Variants in PUS1 observed in about 807,000 individuals in gnomAD.
The protein encoded by PUS1 is pseudouridylate synthase 1 homolog.
A neutral mutation model predicts 38.5 loss-of-function variants in PUS1; 25 were observed. The observed-to-expected ratio is 0.65, with a 90% CI of 0.47 to 0.91. PUS1 has a LOEUF of 0.91. Ranked by LOEUF, PUS1 falls within the 40% of genes least tolerant of loss-of-function variation. The probability of loss-of-function intolerance (pLI) is 0.00; values close to 1 mark genes in which losing one functional copy is unlikely to be tolerated. For missense variants in PUS1, 597 were observed against 612.3 expected (o/e 0.97, Z 0.26); for synonymous variants, 282 against 260.4 (o/e 1.08, Z -0.80).
rs910629778 is a variant in PUS1, at chr12:131,932,290, A to G, written c.419A>G (p.Gln140Arg). 1 of 1,613,732 alleles carries G rather than the reference A, an allele frequency of 6.2e-7. No homozygotes were observed. Among genetic ancestry groups the G allele is most frequent in the Non-Finnish European group, 8.5e-7 (1 of 1,180,042 alleles). ...HGEDMRKMSF[Q>R]RCARTDKGVS... ...GAGGACATGAGGAAAATGTCCTTCC[A>G]GCGCTGCGCCCGGACAGACAAGGTG... Residue 140 changes from glutamine to arginine, a missense_variant, in exon 3 of 6, where the codon CAG becomes CGG. Coordinates refer to ENST00000376649, the MANE Select transcript of PUS1 (RefSeq NM_025215.6).
intron 5 of PUS1, among the ~76,000 whole-genome samples, chr12:131,943,044 C>T (rs1477603280): frequency 1.3e-5 from 2 of 152,244 alleles, no homozygotes; most frequent in African/African-American, 4.8e-5. Flanking sequence ...TGGAATGTGA[C>T]AGTGACCGTA....
At chr12:131,932,628 T>C (rs1420790448) in intron 3 of PUS1, 2 of 482,658 alleles carry the variant, frequency 4.1e-6, no homozygotes, top group Non-Finnish European at 7.6e-6. Context: ...GACCCTCCAA[T>C]CAGGCTCACT....
At position 131,935,773 on chromosome 12, in the gene PUS1, T is replaced by C. The variant is rs557234785; in HGVS notation, c.442-3400T>C. On this transcript the variant is annotated intron_variant, in intron 3 of 5. Transcript: ENST00000376649. The stretch of plus-strand genomic sequence containing the variant: ...GTCTCGAACTCCTGACCTTAGGTGA[T>C]CTGCCTGCCTCGGCCTCCCAAAGTG... Among the ~76,000 whole-genome samples, 4 of 152,220 alleles carry C rather than the reference T, an allele frequency of 2.6e-5. No individual in the cohort carries two copies. The East Asian group carries it at 7.8e-4, about 30-fold the overall frequency.
At chr12:131,940,623 G>A (rs1312670052) in intron 4 of PUS1, among the ~76,000 whole-genome samples, 1 of 152,106 alleles carries the variant, frequency 6.6e-6, no homozygotes, top group African/African-American at 2.4e-5. Flanking sequence ...TGTTGCCCAG[G>A]CTGGAGTGCA....
chr12:131,929,687 G>A lies in PUS1; in HGVS notation c.-36G>A, dbSNP rs1890491140. 6.7e-7 allele frequency: 1 copy of A among 1,503,710 alleles called. No individual in the cohort carries two copies. The highest frequency in any genetic ancestry group is 8.9e-7 in the Non-Finnish European group (1 of 1,124,104). The allele number at this position is 1,503,710 out of a possible 1,614,324, so 93.1% of individuals were successfully genotyped here. A position where few individuals can be genotyped will look rare whatever the true frequency, so the allele number is the denominator to read the frequency against. ...GGGGCACTGGGGGTCAGGGGTCGGG[G>A]ATCAGGGCGGGGTCGGGTGCACTGG... On this transcript the variant is annotated 5_prime_UTR_variant, in exon 1 of 6. Transcript: ENST00000376649.
chr12:131,939,331 C>A, intron 4 of PUS1, 56 bp downstream of exon 4: 2 of 1,141,934 alleles, frequency 1.8e-6, no homozygotes, highest in Admixed American at 2.0e-5. Context: ...CTTGCAGAGA[C>A]ACGAGGCTAT....
At position 131,941,186 on chromosome 12, in the gene PUS1, T is replaced by C; in HGVS notation, c.545-106T>C. 1 of 973,726 alleles carries C rather than the reference T, an allele frequency of 1.0e-6. No homozygotes were observed. Among genetic ancestry groups the C allele is most frequent in the Non-Finnish European group, 1.6e-6 (1 of 628,730 alleles). The allele number at this position is 973,726 out of a possible 1,614,324, so 60.3% of individuals were successfully genotyped here. A position where few individuals can be genotyped will look rare whatever the true frequency, so the allele number is the denominator to read the frequency against. ...CCGATGCTTGCTGGAGCTTGGTCGGTGCTCTGGGTAAGGAGACGCTGGGGC... is the reference window on the plus strand; with the variant it reads ...CCGATGCTTGCTGGAGCTTGGTCGGCGCTCTGGGTAAGGAGACGCTGGGGC... On this transcript the variant is annotated intron_variant, in intron 4 of 5. Coordinates refer to ENST00000376649, the MANE Select transcript of PUS1 (RefSeq NM_025215.6). The surrounding 1 kb of genome is among the most constrained non-coding windows in gnomAD (Gnocchi z 4.4).
rs1238292118 is a variant in PUS1, at chr12:131,932,579, C to T, written c.441+267C>T. On this transcript the variant is annotated intron_variant, in intron 3 of 5. Coordinates refer to ENST00000376649, the MANE Select transcript of PUS1 (RefSeq NM_025215.6). ...GATTCTGTTCTCAGGGACACACATT[C>T]TTGCAGGTGGCACAGTGGCGGCCGC... The T allele has an allele frequency of 7.1e-6, 4 of 566,878 alleles. No homozygotes were observed. In the African/African-American group the frequency reaches 7.5e-5, roughly 11 times the overall value. The allele number at this position is 566,878 out of a possible 1,614,324, so 35.1% of individuals were successfully genotyped here. A position where few individuals can be genotyped will look rare whatever the true frequency, so the allele number is the denominator to read the frequency against.
At position 131,929,645 on chromosome 12, in the gene PUS1, T is replaced by A. The variant is rs1291537109; in HGVS notation, c.-78T>A. 5 of 1,194,352 alleles carry A rather than the reference T, an allele frequency of 4.2e-6. No individual in the cohort carries two copies. The highest frequency in any genetic ancestry group is 5.6e-6 in the Non-Finnish European group (5 of 895,246). 74.0% of individuals were successfully genotyped at this position (1,194,352 alleles called of 1,614,324 possible). On this transcript the variant is annotated 5_prime_UTR_variant, in exon 1 of 6. Transcript: ENST00000376649. ...GCGTCAGGGTCCGAGAGGTTAGGGG[T>A]CGGCAGAGGCGGAGCTGGGGCACTG...
At chr12:131,940,914 T>C (rs1593295736) in intron 4 of PUS1, 3 of 241,522 alleles carry the variant, frequency 1.2e-5, no homozygotes, top group East Asian at 8.8e-5. Context: ...TACATACTTA[T>C]GTAGAATTAT....
At chr12:131,930,980 G>A (rs1204001533) in intron 2 of PUS1, among the ~76,000 whole-genome samples, 1 of 152,110 alleles carries the variant, frequency 6.6e-6, no homozygotes, top group Non-Finnish European at 1.5e-5. Context: ...CATTCCTTTT[G>A]TTCCTTTTTG....
At chr12:131,932,120 TC>T in intron 2 of PUS1, 54 bp from the exon 3 acceptor site, 1 of 1,545,084 alleles carries the variant, frequency 6.5e-7, no homozygotes. Flanking sequence ...CTGGGCAACA[TC>T]ATGGCGACCT....
Position 131,929,964 on chromosome 12 carries a change from G to A in PUS1, c.132G>A (p.Gln44=). ...EPPPAGAACP[Q]DRRSCSGRAG... ...CGCCCGCCGGAGCCGCATGCCCCCA[G>A]GACCGGAGGTCCTGCAGCGGCCGGG... is the stretch of plus-strand genomic sequence containing the variant. Residue 44 remains glutamine, a synonymous_variant, in exon 2 of 6, where the codon CAG becomes CAA. Coordinates refer to ENST00000376649, the MANE Select transcript of PUS1 (RefSeq NM_025215.6). 6.6e-7 allele frequency: 1 copy of A among 1,516,150 alleles called. No individual in the cohort carries two copies. The highest frequency in any genetic ancestry group is 8.8e-7 in the Non-Finnish European group (1 of 1,142,624). 93.9% of individuals were successfully genotyped at this position (1,516,150 alleles called of 1,614,324 possible). A position where few individuals can be genotyped will look rare whatever the true frequency, so the allele number is the denominator to read the frequency against.
At chr12:131,937,392 G>C (rs559908130) in intron 3 of PUS1, among the ~76,000 whole-genome samples, 25 of 152,112 alleles carry the variant, frequency 1.6e-4, no homozygotes, top group African/African-American at 6.0e-4. Flanking sequence ...TTTATTTTTT[G>C]AGATGGAGTT....
intron 3 of PUS1, among the ~76,000 whole-genome samples, chr12:131,937,056 C>G (rs1220615544): frequency 1.3e-5 from 2 of 152,120 alleles, no homozygotes; most frequent in Non-Finnish European, 2.9e-5. Flanking sequence ...TTTTCTTTCC[C>G]TTTTTTGGTG....
Position 131,930,120 on chromosome 12 carries a change from C to G in PUS1, c.288C>G (p.Gly96=). The change falls in exon 2 of 6, where the codon GGC becomes GGG. Residue 96 remains glycine (G), a synonymous_variant. Coordinates refer to ENST00000376649, the MANE Select transcript of PUS1 (RefSeq NM_025215.6). ...IVLLMAYSGK[G]YHGMQRNVGS... ...TGCTCATGGCCTATTCGGGCAAGGGCTACCACGGCATGCAGGTGTGGCCGC... is the reference window on the plus strand; with the variant it reads ...TGCTCATGGCCTATTCGGGCAAGGGGTACCACGGCATGCAGGTGTGGCCGC... 2 of 1,426,974 alleles carry G rather than the reference C, an allele frequency of 1.4e-6. No individual in the cohort carries two copies. The highest frequency in any genetic ancestry group is 1.8e-6 in the Non-Finnish European group (2 of 1,090,394). 88.4% of individuals were successfully genotyped at this position (1,426,974 alleles called of 1,614,324 possible).
At position 131,945,146 on chromosome 12, in the gene PUS1, A is replaced by C. The variant is rs1232266469; in HGVS notation, c.*1560A>C. 6.6e-6 allele frequency: 1 copy of C among 152,364 alleles called. No homozygotes were observed. Among genetic ancestry groups the C allele is most frequent in the Admixed American group, 6.5e-5 (1 of 15,290 alleles). 9.4% of individuals were successfully genotyped at this position (152,364 alleles called of 1,614,324 possible). On this transcript the variant is annotated 3_prime_UTR_variant, in exon 6 of 6. Transcript: ENST00000376649. Reference sequence around the variant, plus strand: ...CTAATGCGCAGTCGCCTGTCGCCCCAGCAGTGCGTGAGTGACATGTGCACG... The same window carrying C: ...CTAATGCGCAGTCGCCTGTCGCCCCCGCAGTGCGTGAGTGACATGTGCACG...
Position 131,941,811 on chromosome 12 carries a change from C to A in PUS1, c.1064C>A (p.Pro355Gln). 6.2e-7 allele frequency: 1 copy of A among 1,613,750 alleles called. No individual in the cohort carries two copies. Among genetic ancestry groups the A allele is most frequent in the South Asian group, 1.1e-5 (1 of 91,074 alleles). ...TTTGGCAACGATGGGCTGCATGAGC[C>A]GCTGGACTGGGCGCAGGAGGAAGGA... ...QRFGNDGLHE[P>Q]LDWAQEEGKV... The change falls in exon 5 of 6, where the codon CCG becomes CAG. Residue 355 changes from proline (P) to glutamine (Q), a missense_variant. Physicochemically the swap from Pro to Gln is moderately conservative, Grantham distance 76. Coordinates refer to ENST00000376649, the MANE Select transcript of PUS1 (RefSeq NM_025215.6). The surrounding 1 kb of genome is among the most constrained non-coding windows in gnomAD (Gnocchi z 4.4).
Position 131,945,024 on chromosome 12 carries a change from A to C in PUS1, c.*1438A>C, listed in dbSNP as rs1195418240. The C allele has an allele frequency of 1.3e-5, 2 of 152,294 alleles. No individual in the cohort carries two copies. The highest frequency in any genetic ancestry group is 2.9e-5 in the Non-Finnish European group (2 of 68,056). 9.4% of individuals were successfully genotyped at this position (152,294 alleles called of 1,614,324 possible). ...GCATACACGTGGCCTCCCAGCCTGC[A>C]GCCCGTGGGCGCACGTGACCAATGC... On this transcript the variant is annotated 3_prime_UTR_variant, in exon 6 of 6. Coordinates refer to ENST00000376649, the MANE Select transcript of PUS1 (RefSeq NM_025215.6).
Sources: allele counts gnomAD v4.1 joint callset (sites outside exome capture counted in the v4.1 genomes callset), GRCh38; gene constraint gnomAD v4.1.1; non-coding constraint Gnocchi (gnomAD v3.1); transcripts MANE v1.5; gene names NCBI Gene and HGNC (gene_info 2026-07-23, HGNC 2026-07-21).